TNRC6B: variants seen among roughly 807,000 people sequenced by gnomAD.
TNRC6B encodes the protein trinucleotide repeat-containing gene 6B protein.
TNRC6B carries 52 observed loss-of-function variants against 203.6 expected under a neutral mutation model. That is an observed-to-expected ratio of 0.26 (90% CI 0.20 to 0.32). The LOEUF is 0.32. TNRC6B is among the 10% of genes least tolerant of loss of function. The probability of loss-of-function intolerance (pLI) is 1.00; values close to 1 mark genes in which losing one functional copy is unlikely to be tolerated. For missense variants in TNRC6B, 1,923 were observed against 2,286.2 expected (o/e 0.84, Z 3.24); for synonymous variants, 838 against 845.7 (o/e 0.99, Z 0.16).
At chr22:40,132,495 G>A (rs2413614) in intron 3 of TNRC6B, among the ~76,000 whole-genome samples, 2 of 89,200 alleles carry the variant, frequency 2.2e-5, no homozygotes, top group South Asian at 4.6e-4. Context: ...AAGGCGAGGC[G>A]AGGGCGAGGG....
intron 1 of TNRC6B, among the ~76,000 whole-genome samples, chr22:40,070,939 T>C (rs1156228382): frequency 6.6e-6 from 1 of 152,180 alleles, no homozygotes; most frequent in Non-Finnish European, 1.5e-5. Context: ...TCATGTCAGT[T>C]CAGGTCAGAC....
rs577818342 is a variant in TNRC6B at position 40,120,435 on chromosome 22, A to C, written c.-47+3307A>C. Reference sequence around the variant, plus strand: ...CAGTAGGGTGTGGACTAGGATATACATAGAGAGAGATTAGCATGTTGTGTG... The same window carrying C: ...CAGTAGGGTGTGGACTAGGATATACCTAGAGAGAGATTAGCATGTTGTGTG... On this transcript the variant is annotated intron_variant, in intron 2 of 23. Transcript: ENST00000301923. Among the ~76,000 whole-genome samples, 5 of 152,202 alleles carry C rather than the reference A, an allele frequency of 3.3e-5. No homozygotes were observed. The South Asian group carries it at 1.0e-3, about 32-fold the overall frequency.
At chr22:40,135,361 G>A (rs2068591033) in intron 3 of TNRC6B, among the ~76,000 whole-genome samples, 1 of 152,232 alleles carries the variant, frequency 6.6e-6, no homozygotes, top group African/African-American at 2.4e-5. Flanking sequence ...CGACTAGAGT[G>A]TTGGGTGCCA....
intron 1 of TNRC6B, among the ~76,000 whole-genome samples, chr22:40,196,069 G>A (rs565942043): frequency 1.8e-5 from 2 of 111,022 alleles, no homozygotes; most frequent in African/African-American, 4.6e-5. Flanking sequence ...GAGCCACCGC[G>A]TCCAGCCTTT....
intron 1 of TNRC6B, among the ~76,000 whole-genome samples, chr22:40,178,418 T>G (rs984398663): frequency 2.6e-5 from 4 of 152,226 alleles, no homozygotes; most frequent in African/African-American, 9.6e-5. Context: ...TAAATGAAGC[T>G]GCGAGTAATT....
chr22:40,308,743 C>A, intron 16 of TNRC6B, 94 bp downstream of exon 16: 1 of 1,423,314 alleles, frequency 7.0e-7, no homozygotes, highest in Non-Finnish European at 9.4e-7. Context: ...ACTTGGTATT[C>A]ATTTTCCTTG....
intron 2 of TNRC6B, among the ~76,000 whole-genome samples, chr22:40,121,031 A>G (rs1284828379): frequency 2.0e-5 from 3 of 152,224 alleles, no homozygotes; most frequent in Non-Finnish European, 4.4e-5. Flanking sequence ...CACCCCTGAC[A>G]GCCTGAGTCA....
intron 11 of TNRC6B, 78 bp downstream of exon 11, chr22:40,281,367 T>TGTCTG (rs575357841): frequency 2.5e-4 from 320 of 1,262,840 alleles, no homozygotes; most frequent in Non-Finnish European, 4.8e-5. Context: ...TTGCATCATT[T>TGTCTG]GTCTGTCTTG....
chr22:40,271,230 G>A (rs2070558882), intron 6 of TNRC6B, among the ~76,000 whole-genome samples: 1 of 152,180 alleles, frequency 6.6e-6, no homozygotes, highest in African/African-American at 2.4e-5. Flanking sequence ...TCAGGTGCCT[G>A]TTTACACTTA....
chr22:40,077,480 C>G (rs536022515), intron 1 of TNRC6B, among the ~76,000 whole-genome samples: 7 of 152,186 alleles, frequency 4.6e-5, no homozygotes, highest in Non-Finnish European at 8.8e-5. Context: ...ATTCCCACTG[C>G]TGACCTTTAC....
At chr22:40,078,125 G>A (rs5750897) in intron 1 of TNRC6B, among the ~76,000 whole-genome samples, 151,469 of 152,372 alleles carry the variant, frequency 0.99, 75,287 homozygotes, top group Middle Eastern at 1. Context: ...TTGTCAAGCT[G>A]AAGGTAAAGT....
chr22:40,184,738 T>G (rs1416483419), intron 1 of TNRC6B, among the ~76,000 whole-genome samples: 1 of 151,716 alleles, frequency 6.6e-6, no homozygotes, highest in East Asian at 1.9e-4. Context: ...TTTGGAGGAG[T>G]TGGTCATTGG....
chr22:40,175,934 A>G (rs185423119), upstream of TNRC6B, among the ~76,000 whole-genome samples: 128 of 152,322 alleles, frequency 8.4e-4, no homozygotes, highest in African/African-American at 3.0e-3. Flanking sequence ...CCAGGATGAC[A>G]ACAAGTGTTG....
At chr22:40,241,031 C>T (rs199803226) in intron 1 of TNRC6B, among the ~76,000 whole-genome samples, 183 of 152,254 alleles carry the variant, frequency 1.2e-3, no homozygotes, top group African/African-American at 4.2e-3. Flanking sequence ...CATGTTAGAA[C>T]CACTTGGAGG....
chr22:40,238,820 A>G (rs2069985548), intron 1 of TNRC6B, among the ~76,000 whole-genome samples: 1 of 152,184 alleles, frequency 6.6e-6, no homozygotes, highest in Admixed American at 6.5e-5. Context: ...TATCTTGTTC[A>G]TTTGTTGCCT....
In TNRC6B at chr22:40,266,121, G is replaced by A. The variant is rs747144588; in HGVS notation, c.1891G>A (p.Asp631Asn). 1 of 1,613,832 alleles carries A rather than the reference G, an allele frequency of 6.2e-7. No individual in the cohort carries two copies. Among genetic ancestry groups the A allele is most frequent in the Admixed American group, 1.7e-5 (1 of 60,014 alleles). ...TGWGQTQIKQ[D>N]TVWDIEEVPR... Reference sequence around the variant, plus strand: ...CTGGGGCCAAACTCAAATTAAGCAGGACACAGTGTGGGACATTGAAGAGGT... The same window carrying A: ...CTGGGGCCAAACTCAAATTAAGCAGAACACAGTGTGGGACATTGAAGAGGT... Residue 631 changes from aspartate to asparagine, a missense_variant, in exon 5 of 23, where the codon GAC (aspartate) becomes AAC (asparagine). Around this residue, in one of 8 missense-constraint regions of TNRC6B, gnomAD observed 38 missense variants for 70.3 expected, o/e 0.54. Transcript: ENST00000454349.
intron 1 of TNRC6B, among the ~76,000 whole-genome samples, chr22:40,237,463 A>G (rs2069963058): frequency 6.6e-6 from 1 of 152,298 alleles, no homozygotes; most frequent in South Asian, 2.1e-4. Context: ...GTGAGCACTG[A>G]AATACTGAGG....
intron 3 of TNRC6B, among the ~76,000 whole-genome samples, chr22:40,145,185 T>G (rs540438382): frequency 6.6e-6 from 1 of 152,086 alleles, no homozygotes; most frequent in East Asian, 1.9e-4. Flanking sequence ...TGTCAAGGCT[T>G]CAGTGAGTCA....
chr22:40,156,162 T>C, exon 4 of TNRC6B: 2 of 1,577,940 alleles, frequency 1.3e-6, no homozygotes, highest in Non-Finnish European at 1.7e-6. Flanking sequence ...AGACTCCACC[T>C]CCTGGTGAAG....
Sources: gnomAD v4.1 joint callset for allele counts (sites outside exome capture counted in the v4.1 genomes callset) on GRCh38, gnomAD v4.1.1 for gene constraint, gnomAD v4.1.1 regional missense constraint, MANE v1.5 for transcripts, NCBI Gene and HGNC (gene_info 2026-07-23, HGNC 2026-07-21) for gene names.